DENND5A: variants seen among roughly 807,000 people sequenced by gnomAD.
The protein encoded by DENND5A is DENN domain-containing protein 5A.
DENND5A carries 64 observed loss-of-function variants against 140.3 expected under a neutral mutation model. The ratio of observed to expected loss-of-function variants is 0.46; its 90% CI spans 0.37 to 0.56. The LOEUF is 0.56. Among genes scored for constraint, DENND5A ranks in the 20% least tolerant of loss-of-function variants. The probability of loss-of-function intolerance (pLI) is 0.00; values close to 1 mark genes in which losing one functional copy is unlikely to be tolerated. For synonymous variants in DENND5A, 605 were observed against 607.7 expected, an observed-to-expected ratio of 1.00 and a Z score of 0.07; for missense variants, 1,292 against 1,593.8, an observed-to-expected ratio of 0.81 and a Z score of 3.22.
At chr11:9,243,389 GA>G (rs1851327574) in intron 1 of DENND5A, among the ~76,000 whole-genome samples, 1 of 152,130 alleles carries the variant, frequency 6.6e-6, no homozygotes, top group African/African-American at 2.4e-5. Context: ...ATTTAACAAA[GA>G]AAGGGATTAC....
At chr11:9,238,425 AC>A (rs1190581683) in intron 1 of DENND5A, among the ~76,000 whole-genome samples, 2 of 148,618 alleles carry the variant, frequency 1.3e-5, no homozygotes, top group Non-Finnish European at 3.0e-5. Flanking sequence ...TCTTTAAATT[AC>A]TTTTTTTTTT....
intron 11 of DENND5A, among the ~76,000 whole-genome samples, chr11:9,161,401 G>A (rs1400591341): frequency 6.6e-6 from 1 of 152,088 alleles, no homozygotes; most frequent in Non-Finnish European, 1.5e-5. Context: ...CAATCTTTAT[G>A]ACTCCTGGCC....
At chr11:9,142,253 T>A (rs1159870680) in intron 21 of DENND5A, 145 bp from the exon 22 acceptor site, 3 of 594,314 alleles carry the variant, frequency 5.0e-6, no homozygotes, top group Non-Finnish European at 8.4e-6. Context: ...ACTGGTCATG[T>A]TTCAAAATGA....
intron 1 of DENND5A, among the ~76,000 whole-genome samples, chr11:9,213,121 G>C (rs1373415350): frequency 1.3e-5 from 2 of 149,994 alleles, no homozygotes; most frequent in Non-Finnish European, 3.0e-5. Flanking sequence ...CTCCTTCCTC[G>C]GCCTCCCGAG....
At chr11:9,218,808 C>T (rs1554928399) in intron 1 of DENND5A, among the ~76,000 whole-genome samples, 1 of 152,034 alleles carries the variant, frequency 6.6e-6, no homozygotes, top group Non-Finnish European at 1.5e-5. Flanking sequence ...GAGTGCAAGA[C>T]CAAGCTAGCC....
At chr11:9,177,861 T>C (rs1180036957) in intron 8 of DENND5A, 13 of 341,716 alleles carry the variant, frequency 3.8e-5, no homozygotes, top group Non-Finnish European at 5.4e-5. Context: ...TGTGTACTTC[T>C]TGCTAATATA....
intron 22 of DENND5A, among the ~76,000 whole-genome samples, chr11:9,141,531 A>C (rs1276513588): frequency 6.6e-6 from 1 of 152,176 alleles, no homozygotes; most frequent in African/African-American, 2.4e-5. Context: ...ACCAGCCCCC[A>C]GGCCTGCTCT....
chr11:9,178,857 C>T lies in DENND5A; in HGVS notation c.1671+1G>A. On this transcript the variant is annotated splice_donor_variant, in intron 7 of 22. Coordinates refer to ENST00000328194, the MANE Select transcript of DENND5A (RefSeq NM_015213.4). LOFTEE classifies it high-confidence loss of function. The stretch of plus-strand genomic sequence containing the variant: ...CACCTCCCAAGCAGGATTACACTCA[C>T]TTTATCAAAGTTTTGCATTTGCTCC... 1 of 1,613,442 alleles carries T rather than the reference C, an allele frequency of 6.2e-7. No homozygotes were observed. The highest frequency in any genetic ancestry group is 1.7e-5 in the Admixed American group (1 of 60,020).
At chr11:9,172,764 G>A (rs1848412834) in intron 8 of DENND5A, among the ~76,000 whole-genome samples, 2 of 152,118 alleles carry the variant, frequency 1.3e-5, no homozygotes, top group Non-Finnish European at 2.9e-5. Context: ...CTTCATAGCA[G>A]CATGAGAATA....
rs1345677371 is a variant in DENND5A, at chr11:9,178,132, C to T, written c.1906G>A (p.Glu636Lys). 6.2e-7 allele frequency: 1 copy of T among 1,608,672 alleles called. No homozygotes were observed. Among genetic ancestry groups the T allele is most frequent in the Non-Finnish European group, 8.5e-7 (1 of 1,175,118 alleles). The change falls in exon 8 of 23, where the codon GAG (glutamate) becomes AAG (lysine). Residue 636 changes from glutamate (E) to lysine (K), a missense_variant and splice_region_variant. Physicochemically the swap from Glu to Lys is moderately conservative, Grantham distance 56. Around this residue, in one of 4 missense-constraint regions of DENND5A, gnomAD observed 199 missense variants for 189.1 expected, o/e 1.05. Transcript: ENST00000328194. ...ATGTACATTTCCAAGGAGGCCTTACCTGCTTCATCCACAGTGGTACACTTC... is the reference window on the plus strand; with the variant it reads ...ATGTACATTTCCAAGGAGGCCTTACTTGCTTCATCCACAGTGGTACACTTC... ...YQKCTTVDEA[E>K]KAIELRLAKI...
intron 1 of DENND5A, among the ~76,000 whole-genome samples, chr11:9,259,066 G>A (rs1023085421): frequency 6.6e-5 from 10 of 152,136 alleles, no homozygotes; most frequent in African/African-American, 2.4e-4. Flanking sequence ...TTCAAGACCA[G>A]CCTGACCAAC....
intron 5 of DENND5A, among the ~76,000 whole-genome samples, chr11:9,185,529 CT>C (rs1477371971): frequency 1.3e-5 from 2 of 152,158 alleles, no homozygotes; most frequent in African/African-American, 4.8e-5. Flanking sequence ...AAAGAAAACA[CT>C]GCAGGGGCTA....
intron 12 of DENND5A, among the ~76,000 whole-genome samples, chr11:9,158,996 T>G (rs1466461050): frequency 6.6e-6 from 1 of 152,174 alleles, no homozygotes; most frequent in Non-Finnish European, 1.5e-5. Context: ...TATGCATTAG[T>G]AGTCACTTCC....
chr11:9,181,151 G>GGTTAGTGAACCTTTCTAAACCTCTT (rs1337402554), intron 5 of DENND5A, 67 bp from the exon 6 acceptor site: 3 of 1,468,346 alleles, frequency 2.0e-6, no homozygotes, highest in Non-Finnish European at 2.8e-6. Flanking sequence ...GTTTTAGAAA[G>GGTTAGTGAACCTTTCTAAACCTCTT]GTTAGTGAAC....
intron 1 of DENND5A, among the ~76,000 whole-genome samples, chr11:9,213,150 C>T (rs1373039975): frequency 6.6e-6 from 1 of 151,902 alleles, no homozygotes; most frequent in Non-Finnish European, 1.5e-5. Context: ...ATTACAGGTG[C>T]CTGCCACCAC....
At chr11:9,246,611 CAAAAAAAAA>C (rs369946476) in intron 1 of DENND5A, among the ~76,000 whole-genome samples, 1 of 63,148 alleles carries the variant, frequency 1.6e-5, no homozygotes, top group African/African-American at 5.9e-5. Flanking sequence ...AACTAAGTCT[CAAAAAAAAA>C]AAAAAAAAAA....
chr11:9,198,812 T>C (rs1849423232), intron 4 of DENND5A, among the ~76,000 whole-genome samples: 1 of 151,672 alleles, frequency 6.6e-6, no homozygotes, highest in African/African-American at 2.4e-5. Flanking sequence ...GGCTCATGCC[T>C]GTAATCCCAG....
Position 9,169,878 on chromosome 11 carries a change from C to T in DENND5A, c.2129G>A (p.Arg710His), listed in dbSNP as rs143720019. 62 of 1,612,452 alleles carry T rather than the reference C, an allele frequency of 3.8e-5. No homozygotes were observed. Among genetic ancestry groups the T allele is most frequent in the East Asian group, 1.8e-4 (8 of 44,884 alleles). ...TACCTCCCTCTGGTCATTATCTAAA[C>T]GCAGGTGTTCTGTGTGCTGCTTCTG... is the stretch of plus-strand genomic sequence containing the variant. ...DRQKQHTEHL[R>H]LDNDQREKYI... Residue 710 changes from arginine to histidine, a missense_variant, in exon 10 of 23, where the codon CGT (arginine) becomes CAT (histidine). Arg to His is a conservative substitution (Grantham distance 29, BLOSUM62 0). Coordinates refer to ENST00000328194, the MANE Select transcript of DENND5A (RefSeq NM_015213.4).
intron 1 of DENND5A, among the ~76,000 whole-genome samples, chr11:9,245,973 C>A (rs1424309032): frequency 6.6e-6 from 1 of 152,134 alleles, no homozygotes; most frequent in African/African-American, 2.4e-5. Flanking sequence ...TCATTAAGCA[C>A]CTACTACATA....
Sources: allele counts gnomAD v4.1 joint callset (sites outside exome capture counted in the v4.1 genomes callset), GRCh38; gene constraint gnomAD v4.1.1; regional missense constraint gnomAD v4.1.1; transcripts MANE v1.5; gene names NCBI Gene and HGNC (gene_info 2026-07-23, HGNC 2026-07-21).